The following FAM13A variants were observed in gnomAD, a reference collection of about 807,000 sequenced individuals.
The protein encoded by FAM13A is protein FAM13A.
In FAM13A, 76 loss-of-function variants were observed where a neutral mutation model predicts 129.6. The observed-to-expected ratio is 0.59, with a 90% CI of 0.49 to 0.71. The LOEUF (loss-of-function observed/expected upper bound fraction) is 0.71, where lower values mean the gene tolerates loss of function less well. Ranked by LOEUF, FAM13A falls within the 30% of genes least tolerant of loss-of-function variation. The pLI is 0.00. For missense variants in FAM13A, 1,108 were observed against 1,249.3 expected (o/e 0.89, Z 1.70); for synonymous variants, 443 against 449.9 (o/e 0.98, Z 0.20).
Position 88,931,852 on chromosome 4 carries a change from G to A in FAM13A, c.759+6236C>T, listed in dbSNP as rs185885160. ...TCAAAATGATAACATATAGATTTTG[G>A]TGGGTACAAGCTAGTCATTCTCACT... On this transcript the variant is annotated intron_variant, in intron 5 of 23. Transcript: ENST00000264344. Among the ~76,000 whole-genome samples the A allele has an allele frequency of 2.1e-4, 32 of 152,272 alleles. No individual in the cohort carries two copies. In the East Asian group the frequency reaches 5.0e-3, roughly 24 times the overall value.
At chr4:88,823,217 G>A (rs1732384719) in intron 7 of FAM13A, 1 of 1,409,298 alleles carries the variant, frequency 7.1e-7, no homozygotes. Context: ...TTTATCGGCT[G>A]CTTCTCTACA....
intron 4 of FAM13A, among the ~76,000 whole-genome samples, chr4:88,965,254 T>A (rs1759202027): frequency 6.6e-6 from 1 of 152,208 alleles, no homozygotes; most frequent in Non-Finnish European, 1.5e-5. Flanking sequence ...CATCTGCTGA[T>A]TACTCATGAA....
intron 19 of FAM13A, among the ~76,000 whole-genome samples, chr4:88,741,389 AC>A (rs1286699723): frequency 6.6e-6 from 1 of 152,250 alleles, no homozygotes; most frequent in Non-Finnish European, 1.5e-5. Flanking sequence ...TACGCCAGAC[AC>A]AAAACATACT....
At chr4:88,913,213 GGAGGAA>G (rs1246026369) in intron 5 of FAM13A, among the ~76,000 whole-genome samples, 1 of 104,434 alleles carries the variant, frequency 9.6e-6, no homozygotes, top group African/African-American at 3.4e-5. Flanking sequence ...AAGAAGAACA[GGAGGAA>G]GAGGAAGAGG....
intron 6 of FAM13A, among the ~76,000 whole-genome samples, chr4:88,890,409 G>A (rs1381121854): frequency 6.6e-6 from 1 of 152,198 alleles, no homozygotes; most frequent in East Asian, 1.9e-4. Context: ...CTGATCTAGA[G>A]ACTCTCATAG....
intron 4 of FAM13A, among the ~76,000 whole-genome samples, chr4:88,940,062 G>C (rs1299306847): frequency 1.3e-5 from 2 of 152,172 alleles, no homozygotes; most frequent in Admixed American, 6.6e-5. Flanking sequence ...GCAAATGTTT[G>C]TTGTTTTAAG....
At chr4:88,979,575 G>A (rs1187918903) in intron 4 of FAM13A, among the ~76,000 whole-genome samples, 2 of 152,070 alleles carry the variant, frequency 1.3e-5, no homozygotes, top group Non-Finnish European at 2.9e-5. Flanking sequence ...TTGCCTCATA[G>A]GGTTTTGAGG....
chr4:88,875,814 T>C (rs1287898840), intron 6 of FAM13A, among the ~76,000 whole-genome samples: 3 of 152,182 alleles, frequency 2.0e-5, no homozygotes, highest in Non-Finnish European at 4.4e-5. Flanking sequence ...GGATTATAAA[T>C]CATGCTACTA....
intron 3 of FAM13A, among the ~76,000 whole-genome samples, chr4:89,006,005 T>C (rs1272088588): frequency 7.1e-6 from 1 of 140,850 alleles, no homozygotes; most frequent in African/African-American, 2.5e-5. Flanking sequence ...CCAGATGGTA[T>C]TGCCTAGGTT....
intron 6 of FAM13A, among the ~76,000 whole-genome samples, chr4:88,856,295 C>T (rs958967799): frequency 6.6e-6 from 1 of 151,734 alleles, no homozygotes; most frequent in Non-Finnish European, 1.5e-5. Flanking sequence ...GCCTCAGTGA[C>T]ATAATGAGAC....
chr4:88,791,298 A>T (rs931029622), intron 8 of FAM13A, among the ~76,000 whole-genome samples: 1 of 152,074 alleles, frequency 6.6e-6, no homozygotes, highest in East Asian at 1.9e-4. Context: ...CCATTTTTTT[A>T]AAGCCTGAAT....
In FAM13A at chr4:88,922,134, CA is replaced by C. The variant is rs1183691211; in HGVS notation, c.760-15673del. On this transcript the variant is annotated intron_variant, in intron 5 of 23. Transcript: ENST00000264344. Reference sequence around the variant, plus strand: ...TTAACACCCCACTGTCAACATTAGACAGATCAATGAGACAGAAAGTTAACAA... The same window carrying C: ...TTAACACCCCACTGTCAACATTAGACGATCAATGAGACAGAAAGTTAACAA... 6.2e-4 allele frequency among the ~76,000 whole-genome samples: 94 copies of C among 151,782 alleles called. 1 individual carries two copies. Among genetic ancestry groups the C allele is most frequent in the African/African-American group, 2.1e-3 (85 of 41,084 alleles).
intron 1 of FAM13A, among the ~76,000 whole-genome samples, chr4:89,052,281 C>A (rs56041449): frequency 4.8e-4 from 48 of 100,332 alleles, no homozygotes; most frequent in Non-Finnish European, 8.6e-4. Flanking sequence ...TTTCTTTTTT[C>A]TTTTATTTTA....
intron 1 of FAM13A, among the ~76,000 whole-genome samples, chr4:89,052,274 CTTTT>C (rs55740292): frequency 6.9e-6 from 1 of 144,472 alleles, no homozygotes; most frequent in Non-Finnish European, 1.5e-5. Flanking sequence ...TTTCTTTTTT[CTTTT>C]TTCTTTTATT....
intron 3 of FAM13A, among the ~76,000 whole-genome samples, chr4:88,996,613 T>C (rs1763574402): frequency 2.0e-5 from 3 of 152,284 alleles, no homozygotes; most frequent in Middle Eastern, 3.4e-3. Context: ...ATCTAGCAGG[T>C]GAGACATTAG....
rs1201309430 is a variant in FAM13A, at chr4:88,880,796, G to T, written c.843+25583C>A. ...TGCGGTGGGGGGCGGGGGGGGGGGG[G>T]GCACAGTGGGAGTGAGACTGGCCTT... On this transcript the variant is annotated intron_variant, in intron 6 of 23. Coordinates refer to ENST00000264344, the MANE Select transcript of FAM13A (RefSeq NM_014883.4). 6.8e-5 allele frequency among the ~76,000 whole-genome samples: 8 copies of T among 118,194 alleles called. No individual in the cohort carries two copies. In the South Asian group the frequency reaches 9.3e-4, roughly 14 times the overall value. 77.5% of individuals were successfully genotyped at this position (118,194 alleles called of 152,430 possible).
intron 11 of FAM13A, among the ~76,000 whole-genome samples, chr4:88,779,179 A>ATAT (rs1200374182): frequency 6.6e-6 from 1 of 152,160 alleles, no homozygotes; most frequent in African/African-American, 2.4e-5. Context: ...TTTTCTCACT[A>ATAT]TTGTATCCAC....
At chr4:88,736,597 CTTTGA>C (rs1280614218) in intron 21 of FAM13A, 53 of 152,014 alleles carry the variant, frequency 3.5e-4, no homozygotes, top group African/African-American at 1.3e-3. Flanking sequence ...AAATGATTGC[CTTTGA>C]TTTTTCATCT....
At chr4:89,042,852 T>C (rs999546444) in intron 1 of FAM13A, among the ~76,000 whole-genome samples, 2 of 152,252 alleles carry the variant, frequency 1.3e-5, no homozygotes, top group Non-Finnish European at 1.5e-5. Flanking sequence ...AACTAATTTA[T>C]TCAAATTAGA....
Sources: allele counts gnomAD v4.1 joint callset (sites outside exome capture counted in the v4.1 genomes callset), GRCh38; gene constraint gnomAD v4.1.1; transcripts MANE v1.5; gene names NCBI Gene and HGNC (gene_info 2026-07-23, HGNC 2026-07-21).